Variants in HDX observed in about 807,000 individuals in gnomAD.
HDX encodes highly divergent homeobox, also known as chromosome X open reading frame 43.
A neutral mutation model predicts 45.2 loss-of-function variants in HDX; 19 were observed. That is an observed-to-expected ratio of 0.42 (90% CI 0.29 to 0.62). The LOEUF (loss-of-function observed/expected upper bound fraction) is 0.62. Among genes scored for constraint, HDX ranks in the 20% least tolerant of loss-of-function variants. HDX has a pLI of 0.20. For synonymous variants in HDX, 188 were observed against 172.8 expected, an observed-to-expected ratio of 1.09 and a Z score of -0.69; for missense variants, 532 against 493.9, an observed-to-expected ratio of 1.08 and a Z score of -0.73.
rs186320877 is a variant in HDX at position 84,352,470 on chromosome X, C to T, written c.1453-8013G>A. Among the ~76,000 whole-genome samples the T allele has an allele frequency of 2.6e-3, 286 of 111,214 alleles. 2 individuals are homozygous for T. Among genetic ancestry groups the T allele is most frequent in the African/African-American group, 9.0e-3 (276 of 30,705 alleles). ...AAAGGAGAATTCCATTTATTTTTTC[C>T]TTTTAACACTTTTTTATTTTTAATT... is the stretch of plus-strand genomic sequence containing the variant. On this transcript the variant is annotated intron_variant, in intron 6 of 10. Transcript: ENST00000373177.
At chrX:84,425,660 A>G (rs951023577) in intron 5 of HDX, among the ~76,000 whole-genome samples, 2 of 111,814 alleles carry the variant, frequency 1.8e-5, no homozygotes, top group African/African-American at 6.5e-5. Flanking sequence ...TTGCAACAAC[A>G]TGGATGGAAC....
intron 5 of HDX, among the ~76,000 whole-genome samples, chrX:84,426,257 ACTC>A (rs2039382570): frequency 9.0e-6 from 1 of 110,532 alleles, no homozygotes; most frequent in African/African-American, 3.3e-5. Context: ...CAGTATGAAG[ACTC>A]CTCAGAAAAT....
intron 3 of HDX, among the ~76,000 whole-genome samples, chrX:84,473,565 T>C (rs1167714249): frequency 9.0e-6 from 1 of 111,584 alleles, no homozygotes; most frequent in African/African-American, 3.3e-5. Flanking sequence ...ATATATTTCA[T>C]TCCCATTGTT....
At chrX:84,398,806 C>A (rs761803977) in intron 5 of HDX, among the ~76,000 whole-genome samples, 4 of 111,727 alleles carry the variant, frequency 3.6e-5, no homozygotes, top group African/African-American at 9.8e-5. Flanking sequence ...AAATCGATCA[C>A]GTAATTGGAA....
intron 2 of HDX, among the ~76,000 whole-genome samples, chrX:84,476,754 TAAGGA>T (rs1185324318): frequency 1.8e-5 from 2 of 111,345 alleles, no homozygotes; most frequent in Non-Finnish European, 3.8e-5. Context: ...AGCTCTCTAT[TAAGGA>T]AAGTAAGCAG....
chrX:84,375,048 G>A (rs1401310048), intron 5 of HDX, among the ~76,000 whole-genome samples: 4 of 104,308 alleles, frequency 3.8e-5, no homozygotes, highest in African/African-American at 1.4e-4. Flanking sequence ...AAATTTACAA[G>A]AAAAAAACAA....
At chrX:84,423,090 G>T (rs1038462091) in intron 5 of HDX, among the ~76,000 whole-genome samples, 36 of 110,267 alleles carry the variant, frequency 3.3e-4, no homozygotes, top group Non-Finnish European at 6.6e-4. Context: ...AAAGTTAAAG[G>T]ATCCTCAGTG....
chrX:84,424,343 A>G (rs1304658331), intron 5 of HDX, among the ~76,000 whole-genome samples: 3 of 111,136 alleles, frequency 2.7e-5, no homozygotes, highest in African/African-American at 9.8e-5. Flanking sequence ...AAAATACTCC[A>G]TGTTCATGGA....
intron 5 of HDX, among the ~76,000 whole-genome samples, chrX:84,408,499 GTTTTTT>G (rs1220751208): frequency 6.8e-5 from 3 of 44,444 alleles, no homozygotes; most frequent in Admixed American, 3.1e-4. Context: ...CTCCAGCTTT[GTTTTTT>G]TTTTTTTTTT....
chrX:84,463,577 T>C (rs1314455207), intron 4 of HDX, among the ~76,000 whole-genome samples: 1 of 111,555 alleles, frequency 9.0e-6, no homozygotes, highest in African/African-American at 3.2e-5. Flanking sequence ...CAATTAATTA[T>C]CAAGCCACAA....
chrX:84,444,164 C>T (rs1488797178), intron 4 of HDX, among the ~76,000 whole-genome samples: 2 of 110,567 alleles, frequency 1.8e-5, no homozygotes, highest in African/African-American at 6.6e-5. Flanking sequence ...ATGGCATGAG[C>T]ACGGTGGAAT....
chrX:84,360,047 T>TACACAGTCTA (rs1227837299), intron 6 of HDX, among the ~76,000 whole-genome samples: 1 of 111,799 alleles, frequency 8.9e-6, no homozygotes, highest in East Asian at 2.8e-4. Flanking sequence ...TAAGGTCTAA[T>TACACAGTCTA]ATACACAGTC....
intron 8 of HDX, among the ~76,000 whole-genome samples, chrX:84,334,881 A>G (rs1343330115): frequency 9.0e-6 from 1 of 110,916 alleles, no homozygotes; most frequent in Non-Finnish European, 1.9e-5. Context: ...AGAATTTGAA[A>G]TCAGGCTTCC....
chrX:84,467,511 C>T (rs1339491356), intron 4 of HDX, among the ~76,000 whole-genome samples: 1 of 109,345 alleles, frequency 9.1e-6, no homozygotes, highest in Admixed American at 9.8e-5. Flanking sequence ...CCTGTAGTCC[C>T]AGCTACTCGG....
intron 5 of HDX, among the ~76,000 whole-genome samples, chrX:84,383,121 T>A (rs746557497): frequency 9.0e-6 from 1 of 111,276 alleles, no homozygotes; most frequent in East Asian, 2.8e-4. Context: ...TTCTTCTTAA[T>A]CCTGGCCTTC....
intron 10 of HDX, among the ~76,000 whole-genome samples, 186 bp from the exon 11 acceptor site, chrX:84,322,200 A>C (rs2036611752): frequency 9.0e-6 from 1 of 110,678 alleles, no homozygotes; most frequent in East Asian, 2.8e-4. Context: ...GAAGGTAACA[A>C]AATTCTAGAT....
rs7067188 is a variant in HDX at position 84,475,485 on chromosome X, A to G, written c.1-88T>C. 1,594 of 534,267 alleles carry G rather than the reference A, an allele frequency of 3.0e-3. 28 individuals are homozygous for G. The African/African-American group carries it at 0.036, about 12-fold the overall frequency. The allele number at this position is 534,267 out of a possible 1,213,427, so 44.0% of individuals were successfully genotyped here. On this transcript the variant is annotated intron_variant, in intron 2 of 10. Transcript: ENST00000373177. Reference sequence around the variant, plus strand: ...CACCTATTTTTTTAATACAATTTCAATGCTTCCAAGCTGTAAACTTCTGTA... The same window carrying G: ...CACCTATTTTTTTAATACAATTTCAGTGCTTCCAAGCTGTAAACTTCTGTA...
intron 1 of HDX, among the ~76,000 whole-genome samples, chrX:84,499,860 T>C (rs760071174): frequency 8.1e-4 from 91 of 111,675 alleles, no homozygotes; most frequent in Non-Finnish European, 1.6e-3. Context: ...TAATAGCAAT[T>C]GTAACAACCA....
At chrX:84,323,284 G>A (rs1354160757) in intron 10 of HDX, among the ~76,000 whole-genome samples, 1 of 111,170 alleles carries the variant, frequency 9.0e-6, no homozygotes, top group Non-Finnish European at 1.9e-5. Context: ...TAAGTGGCTA[G>A]ATTGCAGTAA....
Sources: gnomAD v4.1 joint callset for allele counts (sites outside exome capture counted in the v4.1 genomes callset) on GRCh38, gnomAD v4.1.1 for gene constraint, MANE v1.5 for transcripts, NCBI Gene and HGNC (gene_info 2026-07-23, HGNC 2026-07-21) for gene names.